The following SPATA6 variants were observed in gnomAD, a reference collection of about 807,000 sequenced individuals.
SPATA6 encodes the protein spermatogenesis-associated protein 6.
Under a neutral mutation model 65.3 loss-of-function variants are expected in SPATA6, and 56 were observed. The observed-to-expected ratio is 0.86, with a 90% confidence interval of 0.69 to 1.07. The LOEUF (loss-of-function observed/expected upper bound fraction) is 1.07. Among genes scored for constraint, SPATA6 ranks in the 50% least tolerant of loss-of-function variants. SPATA6 has a pLI of 0.00. For synonymous variants in SPATA6, 199 were observed against 213.2 expected, an observed-to-expected ratio of 0.93 and a Z score of 0.58; for missense variants, 590 against 594.8, an observed-to-expected ratio of 0.99 and a Z score of 0.08.
At chr1:48,443,666 T>TA (rs1655732238) in intron 3 of SPATA6, among the ~76,000 whole-genome samples, 1 of 152,170 alleles carries the variant, frequency 6.6e-6, no homozygotes, top group Non-Finnish European at 1.5e-5. Flanking sequence ...TCAGGGATAG[T>TA]ATGAGATGCC....
intron 11 of SPATA6, among the ~76,000 whole-genome samples, chr1:48,353,480 TATA>T (rs1160699611): frequency 4.0e-5 from 6 of 149,294 alleles, no homozygotes; most frequent in Non-Finnish European, 7.4e-5. Context: ...ATCCTTTACA[TATA>T]ATGACATAAA....
chr1:48,421,278 T>C (rs1653305088), intron 3 of SPATA6, among the ~76,000 whole-genome samples: 1 of 151,246 alleles, frequency 6.6e-6, no homozygotes, highest in South Asian at 2.1e-4. Flanking sequence ...ACACAATGTA[T>C]AAATGTATTA....
At chr1:48,290,765 G>A (rs1644761650), downstream of SPATA6, among the ~76,000 whole-genome samples, 1 of 152,088 alleles carries the variant, frequency 6.6e-6, no homozygotes, top group Non-Finnish European at 1.5e-5. Flanking sequence ...ATTACATAAT[G>A]GTAAAGGGAT....
At chr1:48,413,264 A>G (rs909431651) in intron 3 of SPATA6, 113 bp from the exon 4 acceptor site, 3 of 329,422 alleles carry the variant, frequency 9.1e-6, no homozygotes, top group African/African-American at 6.8e-5. Flanking sequence ...GACTACATAT[A>G]TGTTTATATA....
In SPATA6 at chr1:48,454,753, G is replaced by A. The variant is rs375295157; in HGVS notation, c.52-1622C>T. Among the ~76,000 whole-genome samples, 85 of 152,030 alleles carry A rather than the reference G, an allele frequency of 5.6e-4. 1 individual carries two copies. Among genetic ancestry groups the A allele is most frequent in the Admixed American group, 1.4e-3 (21 of 15,266 alleles). ...TGAGTTTTTTATATGTGAAATAAAC[G>A]GAGCCCCGGGAAAGTTAAAGTGATC... On this transcript the variant is annotated intron_variant, in intron 1 of 12. Coordinates refer to ENST00000371847, the MANE Select transcript of SPATA6 (RefSeq NM_019073.4).
chr1:48,362,482 T>G (rs1288837810), intron 9 of SPATA6, among the ~76,000 whole-genome samples: 1 of 152,160 alleles, frequency 6.6e-6, no homozygotes, highest in Non-Finnish European at 1.5e-5. Context: ...TATAGGTGAC[T>G]ACCACTGAAT....
intron 11 of SPATA6, among the ~76,000 whole-genome samples, chr1:48,312,259 G>C (rs1214080064): frequency 1.3e-5 from 2 of 152,298 alleles, no homozygotes; most frequent in East Asian, 1.9e-4. Flanking sequence ...AGAATGGACA[G>C]ACTACCTCCT....
chr1:48,362,861 T>A (rs180672904), intron 9 of SPATA6, among the ~76,000 whole-genome samples: 2 of 152,184 alleles, frequency 1.3e-5, no homozygotes, highest in Admixed American at 1.3e-4. Context: ...ATAGAGAATA[T>A]CATAGAGGTG....
intron 11 of SPATA6, among the ~76,000 whole-genome samples, chr1:48,336,139 T>C (rs1381128174): frequency 1.3e-5 from 2 of 152,070 alleles, no homozygotes; most frequent in Admixed American, 6.6e-5. Flanking sequence ...TAACAGATGT[T>C]GGTGAGACTG....
the SPATA6 span, among the ~76,000 whole-genome samples, chr1:48,289,553 A>G: frequency 7.2e-5 from 11 of 152,318 alleles, no homozygotes; most frequent in East Asian, 2.1e-3. Flanking sequence ...AACTTCTCCA[A>G]GCTAAAGGAG....
chr1:48,369,621 C>T (rs1444947652), intron 9 of SPATA6, among the ~76,000 whole-genome samples: 2 of 152,202 alleles, frequency 1.3e-5, no homozygotes, highest in Non-Finnish European at 2.9e-5. Context: ...TTTTTTAAGC[C>T]CGTCGGAAAA....
At chr1:48,396,627 C>T (rs1029416503) in intron 7 of SPATA6, among the ~76,000 whole-genome samples, 2 of 151,664 alleles carry the variant, frequency 1.3e-5, no homozygotes, top group South Asian at 2.1e-4. Flanking sequence ...CATAGATGAA[C>T]CTTTATGAAT....
downstream of SPATA6, among the ~76,000 whole-genome samples, chr1:48,291,034 C>G (rs976052976): frequency 6.6e-6 from 1 of 152,228 alleles, no homozygotes; most frequent in Non-Finnish European, 1.5e-5. Context: ...CCCAAATCAA[C>G]AGAATATACA....
intron 11 of SPATA6, among the ~76,000 whole-genome samples, chr1:48,342,057 G>A (rs1490649297): frequency 3.3e-5 from 5 of 152,184 alleles, no homozygotes; most frequent in African/African-American, 1.2e-4. Context: ...TATTTTGGAA[G>A]AATACAAATG....
intron 5 of SPATA6, among the ~76,000 whole-genome samples, chr1:48,406,255 TG>T (rs1012193822): frequency 6.6e-6 from 1 of 152,044 alleles, no homozygotes; most frequent in African/African-American, 2.4e-5. Flanking sequence ...AAGAATCCCT[TG>T]TTCATCAGTA....
chr1:48,332,613 C>T (rs1421085346), intron 11 of SPATA6, among the ~76,000 whole-genome samples: 1 of 152,126 alleles, frequency 6.6e-6, no homozygotes, highest in African/African-American at 2.4e-5. Context: ...CTTAGACTCC[C>T]ACAGAATAAT....
chr1:48,369,500 C>T (rs1262525759), intron 9 of SPATA6, among the ~76,000 whole-genome samples: 2 of 152,218 alleles, frequency 1.3e-5, no homozygotes, highest in Non-Finnish European at 2.9e-5. Flanking sequence ...CTCCCCCAGC[C>T]TGGCTGCCGC....
chr1:48,471,548 T>G (rs1405234495), intron 1 of SPATA6, among the ~76,000 whole-genome samples: 1 of 151,964 alleles, frequency 6.6e-6, no homozygotes, highest in African/African-American at 2.4e-5. Context: ...CGGGAGGAAA[T>G]GCGACGCCCA....
At chr1:48,279,507 A>C in the SPATA6 span, among the ~76,000 whole-genome samples, 2 of 152,286 alleles carry the variant, frequency 1.3e-5, no homozygotes, top group South Asian at 4.2e-4. Flanking sequence ...TAAATGGAAA[A>C]CAAAAAAAGG....
Sources: allele counts gnomAD v4.1 joint callset (sites outside exome capture counted in the v4.1 genomes callset), GRCh38; gene constraint gnomAD v4.1.1; transcripts MANE v1.5; gene names NCBI Gene and HGNC (gene_info 2026-07-23, HGNC 2026-07-21).